RBM38: variants seen among roughly 807,000 people sequenced by gnomAD.
The protein encoded by RBM38 is RNA-binding protein 38.
Under a neutral mutation model 23.5 loss-of-function variants are expected in RBM38, and 11 were observed. That is an observed-to-expected ratio of 0.47 (90% confidence interval 0.29 to 0.77). RBM38 has a LOEUF of 0.77. RBM38 is among the 30% of genes least tolerant of loss of function. The pLI, the probability that RBM38 is intolerant of heterozygous loss-of-function variation, is 0.08. For synonymous variants in RBM38, 165 were observed against 166.1 expected, an observed-to-expected ratio of 0.99 and a Z score of 0.05; for missense variants, 330 against 351.9, an observed-to-expected ratio of 0.94 and a Z score of 0.50.
At position 57,391,608 on chromosome 20, in the gene RBM38, C is replaced by T; in HGVS notation, c.27C>T (p.Ala9=). ...TGCTGCTGCAGCCCGCGCCGTGCGC[C>T]CCGAGCGCGGGCTTCCCGCGGCCCC... MLLQPAPC[A]PSAGFPRPLA... Residue 9 remains alanine (A), a synonymous_variant, in exon 1 of 4, where the codon GCC becomes GCT. Transcript: ENST00000356208. 3 of 1,408,810 alleles carry T rather than the reference C, an allele frequency of 2.1e-6. No homozygotes were observed. The highest frequency in any genetic ancestry group is 1.9e-6 in the Non-Finnish European group (2 of 1,070,152). The allele number at this position is 1,408,810 out of a possible 1,614,324, so 87.3% of individuals were successfully genotyped here. A position where few individuals can be genotyped will look rare whatever the true frequency, so the allele number is the denominator to read the frequency against.
At chr20:57,401,605 T>A (rs2067328902) in intron 3 of RBM38, among the ~76,000 whole-genome samples, 1 of 152,116 alleles carries the variant, frequency 6.6e-6, no homozygotes. Context: ...CCTGCTCTTG[T>A]GGGGAAGACA....
At chr20:57,405,079 C>T (rs920902996) in intron 3 of RBM38, among the ~76,000 whole-genome samples, 3 of 152,238 alleles carry the variant, frequency 2.0e-5, no homozygotes, top group African/African-American at 7.2e-5. Context: ...CCCCTGTGGC[C>T]AGCTCTGCCT....
chr20:57,400,476 C>T (rs548166812), intron 3 of RBM38, among the ~76,000 whole-genome samples: 16 of 152,260 alleles, frequency 1.1e-4, no homozygotes, highest in African/African-American at 3.9e-4. Flanking sequence ...AATGGTGGCC[C>T]GTTTCAGTGG....
At chr20:57,404,116 G>T (rs542497992) in intron 3 of RBM38, among the ~76,000 whole-genome samples, 1 of 152,208 alleles carries the variant, frequency 6.6e-6, no homozygotes, top group Admixed American at 6.5e-5. Flanking sequence ...CCAAGGCAGC[G>T]CTCTGGCCCC....
intron 3 of RBM38, among the ~76,000 whole-genome samples, chr20:57,397,811 C>G (rs941859725): frequency 2.6e-5 from 4 of 152,344 alleles, no homozygotes; most frequent in Admixed American, 2.6e-4. Context: ...GACACGGTCC[C>G]CGATCTCGTG....
rs2067394090 is a variant in RBM38, at chr20:57,407,167, C to T, written c.417-376C>T. The stretch of plus-strand genomic sequence containing the variant: ...ATGCAACCAGGACATTCGTACCGGG[C>T]CCTGCTCTTGATCGCATGCTCCGCC... On this transcript the variant is annotated intron_variant, in intron 3 of 3. Transcript: ENST00000356208. This position sits in a 1 kb window ranked among gnomAD's most constrained non-coding sequence, Gnocchi z 4.0. 6.6e-6 allele frequency among the ~76,000 whole-genome samples: 1 copy of T among 152,174 alleles called. No individual in the cohort carries two copies. Among genetic ancestry groups the T allele is most frequent in the Non-Finnish European group, 1.5e-5 (1 of 68,038 alleles).
chr20:57,393,182 G>C lies in RBM38; in HGVS notation c.362-97G>C, dbSNP rs924795544. On this transcript the variant is annotated intron_variant, in intron 2 of 3. Transcript: ENST00000356208. ...GGAAGCGGATGATCCCTTTTGACTA[G>C]AGGTGTGTGGCTTGTGGGATTCTGC... 3.4e-5 allele frequency: 39 copies of C among 1,163,092 alleles called. No homozygotes were observed. The African/African-American group carries it at 5.6e-4, about 17-fold the overall frequency. The allele number at this position is 1,163,092 out of a possible 1,614,324, so 72.0% of individuals were successfully genotyped here.
intron 3 of RBM38, among the ~76,000 whole-genome samples, chr20:57,399,056 G>T (rs974645739): frequency 2.0e-5 from 3 of 152,232 alleles, no homozygotes; most frequent in Non-Finnish European, 4.4e-5. Flanking sequence ...CCTAATCACA[G>T]TGCTTTCTGC....
chr20:57,391,571 G>A lies in RBM38; in HGVS notation c.-11G>A. 8.9e-7 allele frequency: 1 copy of A among 1,129,828 alleles called. No individual in the cohort carries two copies. Among genetic ancestry groups the A allele is most frequent in the Non-Finnish European group, 1.1e-6 (1 of 912,112 alleles). 70.0% of individuals were successfully genotyped at this position (1,129,828 alleles called of 1,614,324 possible). On this transcript the variant is annotated 5_prime_UTR_variant, in exon 1 of 4. Coordinates refer to ENST00000356208, the MANE Select transcript of RBM38 (RefSeq NM_017495.6). ...GCGCGGCCCGGGTCCGTAGGCGGCG[G>A]GGCGCCCCCCATGCTGCTGCAGCCC...
Position 57,407,995 on chromosome 20 carries a change from G to A in RBM38, c.*149G>A, listed in dbSNP as rs537752288. ...CGAAGACCGCTCGGGCATTCCGCCT[G>A]CGCCCTGGGACAGCGGAGAGACGGC... On this transcript the variant is annotated 3_prime_UTR_variant, in exon 4 of 4. Coordinates refer to ENST00000356208, the MANE Select transcript of RBM38 (RefSeq NM_017495.6). The surrounding 1 kb of genome is among the most constrained non-coding windows in gnomAD (Gnocchi z 4.0). 1.6e-4 allele frequency: 148 copies of A among 932,756 alleles called. No individual in the cohort carries two copies. The African/African-American group carries it at 2.1e-3, about 13-fold the overall frequency. 57.8% of individuals were successfully genotyped at this position (932,756 alleles called of 1,614,324 possible).
intron 3 of RBM38, among the ~76,000 whole-genome samples, chr20:57,394,111 G>T (rs1295757352): frequency 1.3e-5 from 2 of 152,212 alleles, no homozygotes; most frequent in Non-Finnish European, 2.9e-5. Context: ...AGTTGGAGGG[G>T]AAGGCAGCTC....
chr20:57,395,682 C>T (rs2067267008), intron 3 of RBM38, among the ~76,000 whole-genome samples: 1 of 152,174 alleles, frequency 6.6e-6, no homozygotes, highest in South Asian at 2.1e-4. Context: ...GGGGAGGCTC[C>T]CGGGTGCAGC....
At chr20:57,397,479 C>G (rs951997368) in intron 3 of RBM38, among the ~76,000 whole-genome samples, 1 of 152,210 alleles carries the variant, frequency 6.6e-6, no homozygotes, top group Non-Finnish European at 1.5e-5. Context: ...ATGTGCCTGC[C>G]CCACTGCATG....
chr20:57,405,885 A>G (rs1446430048), intron 3 of RBM38, among the ~76,000 whole-genome samples: 4 of 152,204 alleles, frequency 2.6e-5, no homozygotes, highest in Non-Finnish European at 1.5e-5. Context: ...CAGTGCCCAC[A>G]TGTTGCCAAA....
rs543013429 is a variant in RBM38 at position 57,406,354 on chromosome 20, C to G, written c.417-1189C>G. ...CCCACAGCAGGCAGGAAGTGTTGGC[C>G]TCAATGCGTTTCCACAGTGGCCTGC... On this transcript the variant is annotated intron_variant, in intron 3 of 3. Coordinates refer to ENST00000356208, the MANE Select transcript of RBM38 (RefSeq NM_017495.6). Among the ~76,000 whole-genome samples, 314 of 152,294 alleles carry G rather than the reference C, an allele frequency of 2.1e-3. 2 individuals carry two copies. Among genetic ancestry groups the G allele is most frequent in the African/African-American group, 7.3e-3 (302 of 41,576 alleles).
chr20:57,398,643 CTGT>C (rs1014035733), intron 3 of RBM38, among the ~76,000 whole-genome samples: 32 of 152,282 alleles, frequency 2.1e-4, no homozygotes, highest in Admixed American at 1.8e-3. Context: ...CGTGCCGCAC[CTGT>C]TGTTTGTCCT....
chr20:57,400,364 C>G (rs779523778), intron 3 of RBM38, among the ~76,000 whole-genome samples: 35 of 152,194 alleles, frequency 2.3e-4, no homozygotes, highest in Non-Finnish European at 4.1e-4. Flanking sequence ...GATTTCCAGT[C>G]TGGACCAGGC....
In RBM38 at chr20:57,408,227, G is replaced by A; in HGVS notation, c.*381G>A. 1 of 361,058 alleles carries A rather than the reference G, an allele frequency of 2.8e-6. No individual in the cohort carries two copies. The highest frequency in any genetic ancestry group is 5.3e-6 in the Non-Finnish European group (1 of 188,630). The allele number at this position is 361,058 out of a possible 1,614,324, so 22.4% of individuals were successfully genotyped here. Reference sequence around the variant, plus strand: ...TGTCACAGACCCTCTGCAGCCCCTGGCTGCCCTGGACTGTGCAGAGATGCC... The same window carrying A: ...TGTCACAGACCCTCTGCAGCCCCTGACTGCCCTGGACTGTGCAGAGATGCC... On this transcript the variant is annotated 3_prime_UTR_variant, in exon 4 of 4. Coordinates refer to ENST00000356208, the MANE Select transcript of RBM38 (RefSeq NM_017495.6).
At chr20:57,394,184 T>C (rs2067250408) in intron 3 of RBM38, among the ~76,000 whole-genome samples, 1 of 152,174 alleles carries the variant, frequency 6.6e-6, no homozygotes, top group Non-Finnish European at 1.5e-5. Context: ...AAATCCCTAA[T>C]GCCAGTTGAT....
Sources: allele counts gnomAD v4.1 joint callset (sites outside exome capture counted in the v4.1 genomes callset), GRCh38; gene constraint gnomAD v4.1.1; non-coding constraint Gnocchi (gnomAD v3.1); transcripts MANE v1.5; gene names NCBI Gene and HGNC (gene_info 2026-07-23, HGNC 2026-07-21).